The following FSTL5 variants were observed in gnomAD, a reference collection of about 807,000 sequenced individuals.
The protein encoded by FSTL5 is follistatin like 5.
A neutral mutation model predicts 89.1 loss-of-function variants in FSTL5; 62 were observed. That is an observed-to-expected ratio of 0.70 (90% CI 0.57 to 0.86). The LOEUF is 0.86. FSTL5 is among the 40% of genes least tolerant of loss of function. The pLI is 0.00. For missense variants in FSTL5, 1,057 were observed against 1,001.6 expected (o/e 1.06, Z -0.75); for synonymous variants, 383 against 346.2 (o/e 1.11, Z -1.18).
At position 162,046,866 on chromosome 4, in the gene FSTL5, A is replaced by G. The variant is rs188545532; in HGVS notation, c.127-13208T>C. On this transcript the variant is annotated intron_variant, in intron 2 of 15. Coordinates refer to ENST00000306100, the MANE Select transcript of FSTL5 (RefSeq NM_020116.5). ...TATCCCTTAATAGATTTGGGTTTCT[A>G]ATTTATTAAGTCTGCAAACAGCCCA... 1.3e-3 allele frequency among the ~76,000 whole-genome samples: 196 copies of G among 152,242 alleles called. 1 individual carries two copies. The highest frequency in any genetic ancestry group is 0.011 in the Admixed American group (168 of 15,284).
At chr4:162,125,439 T>C (rs1434259084) in intron 1 of FSTL5, among the ~76,000 whole-genome samples, 1 of 152,172 alleles carries the variant, frequency 6.6e-6, no homozygotes, top group Non-Finnish European at 1.5e-5. Flanking sequence ...AAGTAAACTA[T>C]GGTTCTTGAA....
chr4:162,114,335 G>C (rs1731553037), intron 1 of FSTL5, among the ~76,000 whole-genome samples: 1 of 152,094 alleles, frequency 6.6e-6, no homozygotes, highest in African/African-American at 2.4e-5. Flanking sequence ...TTTCCACAAG[G>C]TTCTGAATAC....
intron 4 of FSTL5, among the ~76,000 whole-genome samples, chr4:161,832,533 T>G (rs1730881583): frequency 6.6e-6 from 1 of 152,186 alleles, no homozygotes. Flanking sequence ...GTTGGTAAGC[T>G]ATTGATTATT....
At chr4:161,795,522 A>G (rs1729607185) in intron 4 of FSTL5, among the ~76,000 whole-genome samples, 1 of 152,090 alleles carries the variant, frequency 6.6e-6, no homozygotes, top group Admixed American at 6.6e-5. Flanking sequence ...AAATGATTGT[A>G]TATATTTAAT....
chr4:161,932,754 T>C (rs1326368625), intron 3 of FSTL5, among the ~76,000 whole-genome samples: 1 of 151,984 alleles, frequency 6.6e-6, no homozygotes, highest in Non-Finnish European at 1.5e-5. Flanking sequence ...AAATTTGAAA[T>C]CTTCACTCAT....
At chr4:161,905,293 A>G (rs1320957766) in intron 4 of FSTL5, among the ~76,000 whole-genome samples, 1 of 152,102 alleles carries the variant, frequency 6.6e-6, no homozygotes, top group African/African-American at 2.4e-5. Flanking sequence ...TTAACCATAG[A>G]CTATATCTGC....
At chr4:161,748,433 T>C (rs1414970135) in intron 6 of FSTL5, among the ~76,000 whole-genome samples, 4 of 152,138 alleles carry the variant, frequency 2.6e-5, no homozygotes, top group Admixed American at 6.5e-5. Context: ...ACATTCCATG[T>C]ATCATAGTAA....
At chr4:162,140,943 A>C (rs1475019207) in intron 1 of FSTL5, among the ~76,000 whole-genome samples, 1 of 151,866 alleles carries the variant, frequency 6.6e-6, no homozygotes, top group East Asian at 1.9e-4. Context: ...TTGATCCCTA[A>C]TGTTGGTGGT....
intron 3 of FSTL5, among the ~76,000 whole-genome samples, chr4:162,029,751 TAAA>T (rs2111186035): frequency 6.6e-6 from 1 of 152,138 alleles, no homozygotes; most frequent in East Asian, 1.9e-4. Context: ...AACTAACACA[TAAA>T]TAATAAAATT....
chr4:161,577,187 T>C (rs1307307436), intron 8 of FSTL5, among the ~76,000 whole-genome samples: 1 of 152,120 alleles, frequency 6.6e-6, no homozygotes, highest in East Asian at 1.9e-4. Context: ...TTAAAATTTC[T>C]AAATTTATTG....
chr4:161,542,658 C>A lies in FSTL5; in HGVS notation c.1051G>T (p.Ala351Ser). The A allele has an allele frequency of 6.5e-7, 1 of 1,538,926 alleles. No individual in the cohort carries two copies. The highest frequency in any genetic ancestry group is 1.9e-5 in the Admixed American group (1 of 53,908). Reference sequence around the variant, plus strand: ...CTGGCAGTTACCCCAGGCTCTCTAGCCTGACTCTCTGGATACACCCGGATG... The same window carrying A: ...CTGGCAGTTACCCCAGGCTCTCTAGACTGACTCTCTGGATACACCCGGATG... ...PVIRVYPESQ[A>S]REPGVTASLR... The change falls in exon 9 of 16, where the codon GCT becomes TCT. Residue 351 changes from alanine to serine, a missense_variant. Transcript: ENST00000306100.
chr4:161,953,264 A>G (rs1734945336), intron 3 of FSTL5, among the ~76,000 whole-genome samples: 2 of 151,698 alleles, frequency 1.3e-5, no homozygotes, highest in Non-Finnish European at 3.0e-5. Context: ...CAAGAATAGT[A>G]CTGAATGTTT....
chr4:161,522,351 T>C (rs1731065298), intron 10 of FSTL5, among the ~76,000 whole-genome samples: 1 of 152,138 alleles, frequency 6.6e-6, no homozygotes, highest in South Asian at 2.1e-4. Flanking sequence ...AGCTGACACC[T>C]TCTGATATCA....
At chr4:161,643,949 G>A (rs141537938) in intron 7 of FSTL5, among the ~76,000 whole-genome samples, 39 of 152,252 alleles carry the variant, frequency 2.6e-4, no homozygotes, top group African/African-American at 7.9e-4. Context: ...AAATTATTGA[G>A]TACCTACCAT....
At chr4:161,669,995 G>T (rs1490716007) in intron 6 of FSTL5, among the ~76,000 whole-genome samples, 2 of 151,866 alleles carry the variant, frequency 1.3e-5, no homozygotes, top group East Asian at 1.9e-4. Flanking sequence ...AAAACGTCAG[G>T]TATTTTTTCC....
chr4:161,826,994 T>C lies in FSTL5; in HGVS notation c.410-50920A>G, dbSNP rs200877181. On this transcript the variant is annotated intron_variant, in intron 4 of 15. Coordinates refer to ENST00000306100, the MANE Select transcript of FSTL5 (RefSeq NM_020116.5). ...TGTTTTATGGGCCCTGTGAGATTTATGCTTTAAAGATGTTCATTTTGGTGT... is the reference window on the plus strand; with the variant it reads ...TGTTTTATGGGCCCTGTGAGATTTACGCTTTAAAGATGTTCATTTTGGTGT... 3.3e-5 allele frequency among the ~76,000 whole-genome samples: 5 copies of C among 152,162 alleles called. No homozygotes were observed. The East Asian group carries it at 9.6e-4, about 29-fold the overall frequency.
At chr4:161,895,316 T>C (rs913044821) in intron 4 of FSTL5, among the ~76,000 whole-genome samples, 1 of 152,216 alleles carries the variant, frequency 6.6e-6, no homozygotes, top group African/African-American at 2.4e-5. Flanking sequence ...ACAGAAAACA[T>C]TAATTTAAAA....
chr4:161,637,395 T>A (rs1183371728), intron 7 of FSTL5, among the ~76,000 whole-genome samples: 19 of 135,006 alleles, frequency 1.4e-4, no homozygotes, highest in African/African-American at 4.4e-4. Context: ...TGCAAAAATT[T>A]TCTCCCATTT....
chr4:161,559,242 C>G (rs763572372), intron 8 of FSTL5, among the ~76,000 whole-genome samples: 4 of 151,702 alleles, frequency 2.6e-5, no homozygotes, highest in Non-Finnish European at 5.9e-5. Context: ...TCTCCTTTTT[C>G]CTCTTCCTAA....
Sources: allele counts gnomAD v4.1 joint callset (sites outside exome capture counted in the v4.1 genomes callset), GRCh38; gene constraint gnomAD v4.1.1; transcripts MANE v1.5; gene names NCBI Gene and HGNC (gene_info 2026-07-23, HGNC 2026-07-21).